The following LCMT2 variants were observed in gnomAD, a reference collection of about 807,000 sequenced individuals.
LCMT2 encodes the protein tRNA wybutosine-synthesizing protein 4.
A neutral mutation model predicts 42.0 loss-of-function variants in LCMT2; 34 were observed. That is an observed-to-expected ratio of 0.81 (90% CI 0.62 to 1.08). The LOEUF is 1.08. LCMT2 is among the 50% of genes least tolerant of loss of function. The pLI is 0.00. For missense variants in LCMT2, 1,091 were observed against 889.4 expected (o/e 1.23, Z -2.88); for synonymous variants, 445 against 369.5 (o/e 1.20, Z -2.34).
chr15:43,329,837 T>G lies in LCMT2; in HGVS notation c.653A>C (p.Tyr218Ser). The G allele has an allele frequency of 6.2e-7, 1 of 1,613,868 alleles. No homozygotes were observed. The highest frequency in any genetic ancestry group is 8.5e-7 in the Non-Finnish European group (1 of 1,180,022). Residue 218 changes from tyrosine (Y) to serine (S), a missense_variant, in exon 1 of 1, where the codon TAT (tyrosine) becomes TCT (serine). Physicochemically the swap from Tyr to Ser is moderately radical, Grantham distance 144. Transcript: ENST00000305641. ...GGCGTCTTGAGGCCTCATCTGCTCA[T>G]AGACCACGAAAAGGGCATTAGGAAA... ...QRFPNALFVV[Y>S]EQMRPQDAFG...
Position 43,330,370 on chromosome 15 carries a change from C to A in LCMT2, c.120G>T (p.Leu40Phe). The stretch of plus-strand genomic sequence containing the variant: ...CGCGGCGCGCCGCGCCCGGAACCAG[C>A]AACGCGGCAAAGGGGTCCTGCACGT... Reference protein sequence around the residue: ...RGYVQDPFAALLVPGAARRAP... With the variant: ...RGYVQDPFAAFLVPGAARRAP... Residue 40 changes from leucine to phenylalanine, a missense_variant, in exon 1 of 1, where the codon TTG (leucine) becomes TTT (phenylalanine). Physicochemically the swap from Leu to Phe is conservative, Grantham distance 22. Coordinates refer to ENST00000305641, the MANE Select transcript of LCMT2 (RefSeq NM_014793.5). The A allele has an allele frequency of 6.2e-7, 1 of 1,604,598 alleles. No homozygotes were observed. Among genetic ancestry groups the A allele is most frequent in the Non-Finnish European group, 8.5e-7 (1 of 1,178,434 alleles).
At position 43,325,189 on chromosome 15, in the gene LCMT2, A is replaced by G. The variant is rs2043110869; in HGVS notation, c.*3240T>C. On this transcript the variant is annotated 3_prime_UTR_variant, in exon 1 of 1. Coordinates refer to ENST00000305641, the MANE Select transcript of LCMT2 (RefSeq NM_014793.5). ...AAATAAGAAATTACTTTCCTTCCTTAAGTAGTTTATCTGGTCTAGAAGTAA... is the reference window on the plus strand; with the variant it reads ...AAATAAGAAATTACTTTCCTTCCTTGAGTAGTTTATCTGGTCTAGAAGTAA... 1 of 152,236 alleles carries G rather than the reference A, an allele frequency of 6.6e-6. No individual in the cohort carries two copies. The highest frequency in any genetic ancestry group is 1.5e-5 in the Non-Finnish European group (1 of 68,042). 9.4% of individuals were successfully genotyped at this position (152,236 alleles called of 1,614,324 possible). A position where few individuals can be genotyped will look rare whatever the true frequency, so the allele number is the denominator to read the frequency against.
Position 43,330,244 on chromosome 15 carries a change from G to C in LCMT2, c.246C>G (p.Arg82=). 6.2e-7 allele frequency: 1 copy of C among 1,605,968 alleles called. No homozygotes were observed. Among genetic ancestry groups the C allele is most frequent in the Non-Finnish European group, 8.5e-7 (1 of 1,178,644 alleles). ...CAGCGCCGAGAGACAAGATCTGCGC[G>C]CGAAGCGCGGCCTGGGGCGCGCCAA... ...EQIGAPQAAL[R]AQILSLGAGF... is the part of the protein sequence containing the mutation. The change falls in exon 1 of 1, where the codon CGC becomes CGG. Residue 82 remains arginine (R), a synonymous_variant. Transcript: ENST00000305641.
In LCMT2 at chr15:43,329,912, T is replaced by G. The variant is rs1395885548; in HGVS notation, c.578A>C (p.Tyr193Ser). ...GGCCGCGGCACTCTCCGGCTCGAGGTAGGTCAGCACCGCCTCGGCCAGGAG... is the reference window on the plus strand; with the variant it reads ...GGCCGCGGCACTCTCCGGCTCGAGGGAGGTCAGCACCGCCTCGGCCAGGAG... ...TLLLAEAVLT[Y>S]LEPESAAALI... Residue 193 changes from tyrosine to serine, a missense_variant, in exon 1 of 1, where the codon TAC becomes TCC. Tyr to Ser is a moderately radical substitution (Grantham distance 144). Coordinates refer to ENST00000305641, the MANE Select transcript of LCMT2 (RefSeq NM_014793.5). The G allele has an allele frequency of 6.2e-7, 1 of 1,612,814 alleles. No homozygotes were observed. The highest frequency in any genetic ancestry group is 1.1e-5 in the South Asian group (1 of 91,066).
chr15:43,329,489 G>A lies in LCMT2; in HGVS notation c.1001C>T (p.Pro334Leu), dbSNP rs1426163094. Residue 334 changes from proline to leucine, a missense_variant, in exon 1 of 1, where the codon CCT becomes CTT. By Grantham distance (98) the Pro-to-Leu change is moderately conservative. Transcript: ENST00000305641. ...PSSEAFPRVN[P>L]ASPSGVFPAS... ...AGGGAATACCCCTGAAGGCGAAGCA[G>A]GATTTACGCGAGGAAATGCCTCTGA... is the stretch of plus-strand genomic sequence containing the variant. The A allele has an allele frequency of 1.2e-6, 2 of 1,614,204 alleles. No individual in the cohort carries two copies. The highest frequency in any genetic ancestry group is 1.7e-5 in the Admixed American group (1 of 60,032).
chr15:43,329,685 C>A lies in LCMT2; in HGVS notation c.805G>T (p.Val269Leu), dbSNP rs757397446. Residue 269 changes from valine to leucine, a missense_variant, in exon 1 of 1, where the codon GTG (valine) becomes TTG (leucine). By Grantham distance (32) the Val-to-Leu change is conservative. Transcript: ENST00000305641. ...CAGTGATAGAATTCATTCATGTCCA[C>A]GGCACCGCAGGCGGTCCAGCCAGCT... ...LQAGWTACGA[V>L]DMNEFYHCFL... is the part of the protein sequence containing the mutation. 15 of 1,613,446 alleles carry A rather than the reference C, an allele frequency of 9.3e-6. No individual in the cohort carries two copies. The Admixed American group carries it at 1.2e-4, about 13-fold the overall frequency.
rs1393975051 is a variant in LCMT2, at chr15:43,328,481, A to T, written c.2009T>A (p.Phe670Tyr). 6 of 1,614,070 alleles carry T rather than the reference A, an allele frequency of 3.7e-6. No homozygotes were observed. The highest frequency in any genetic ancestry group is 1.6e-4 in the Middle Eastern group (1 of 6,084). The change falls in exon 1 of 1, where the codon TTC becomes TAC. Residue 670 changes from phenylalanine (F) to tyrosine (Y), a missense_variant. By Grantham distance (22) the Phe-to-Tyr change is conservative (BLOSUM62 3). Transcript: ENST00000305641. ...GTCTAATGTGACTGTATGGGGGTTG[A>T]AGTAGGTACCAAAGGAAAAGCAGTT... ...GGNCFSFGTY[F>Y]NPHTVTLDLS...
Position 43,330,170 on chromosome 15 carries a change from CG to C in LCMT2, c.319del (p.Arg107GlyfsTer29). The stretch of plus-strand genomic sequence containing the variant: ...AAAATCCACCTCCCAGACTGCAGCC[CG>C]GGCCAGGCGGCCCGCGGTTTTTAAG... Reference protein sequence around the residue: ...FRLKTAGRLARAAVWEVDFPD... With the variant: ...FRLKTAGRLAXAAVWEVDFPD... On this transcript the variant is annotated frameshift_variant, in exon 1 of 1. Coordinates refer to ENST00000305641, the MANE Select transcript of LCMT2 (RefSeq NM_014793.5). LOFTEE classifies it high-confidence loss of function. 1 of 1,611,776 alleles carries C rather than the reference CG, an allele frequency of 6.2e-7. No homozygotes were observed. Among genetic ancestry groups the C allele is most frequent in the Non-Finnish European group, 8.5e-7 (1 of 1,179,864 alleles).
chr15:43,329,384 A>T lies in LCMT2; in HGVS notation c.1106T>A (p.Val369Asp). The change falls in exon 1 of 1, where the codon GTT becomes GAT. Residue 369 changes from valine to aspartate, a missense_variant. By Grantham distance (152) the Val-to-Asp change is radical. Transcript: ENST00000305641. ...GHASVFLSPD[V>D]ILSAGGFGEQ... The stretch of plus-strand genomic sequence containing the variant: ...TCCAAATCCTCCTGCACTGAGAATA[A>T]CGTCTGGGCTCAAGAAGACAGAGGC... 6.2e-7 allele frequency: 1 copy of T among 1,614,140 alleles called. No homozygotes were observed. The highest frequency in any genetic ancestry group is 8.5e-7 in the Non-Finnish European group (1 of 1,180,030).
rs754047251 is a variant in LCMT2 at position 43,328,842 on chromosome 15, C to A, written c.1648G>T (p.Gly550Ter). Residue 550 changes from glycine (G) to a stop codon, truncating the protein, a stop_gained, in exon 1 of 1, where the codon GGA (glycine) becomes TGA (stop). Transcript: ENST00000305641. LOFTEE classifies it high-confidence loss of function. ...GGCTCCTCAGAAGCCCCGAGACCTC[C>A]AGCAATAAGGGCTCCCCCTTGCCAA... The part of the protein sequence containing the change: ...CTWQGGALIA[G>*]GLGASEEPLN... 17 of 1,613,596 alleles carry A rather than the reference C, an allele frequency of 1.1e-5. No homozygotes were observed. The highest frequency in any genetic ancestry group is 1.4e-5 in the Non-Finnish European group (17 of 1,180,020).
chr15:43,328,425 G>T lies in LCMT2; in HGVS notation c.*4C>A. On this transcript the variant is annotated 3_prime_UTR_variant, in exon 1 of 1. Transcript: ENST00000305641. ...TTAGTGGGTCCTGAATATTAGTCCA[G>T]TCCTTACTGCCCAGCACTTAAGGAA... 1 of 1,611,054 alleles carries T rather than the reference G, an allele frequency of 6.2e-7. No individual in the cohort carries two copies. The highest frequency in any genetic ancestry group is 8.5e-7 in the Non-Finnish European group (1 of 1,178,392).
In LCMT2 at chr15:43,329,189, CCCAGAA is replaced by C. The variant is rs1340724049; in HGVS notation, c.1295_1300del (p.Val432_Leu433del). On this transcript the variant is annotated inframe_deletion, in exon 1 of 1. Transcript: ENST00000305641. ...TGGACTTACTGGGGACAGTCTCCCT[CCCAGAA>C]CCAGAACCCGACTCTCTGAGAGTCT... is the stretch of plus-strand genomic sequence containing the variant. The C allele has an allele frequency of 1.2e-6, 2 of 1,613,952 alleles. No individual in the cohort carries two copies. The highest frequency in any genetic ancestry group is 1.7e-6 in the Non-Finnish European group (2 of 1,180,036).
rs2043132961 is a variant in LCMT2, at chr15:43,328,617, A to C, written c.1873T>G (p.Ser625Ala). 1 of 1,614,090 alleles carries C rather than the reference A, an allele frequency of 6.2e-7. No homozygotes were observed. The highest frequency in any genetic ancestry group is 1.3e-5 in the African/African-American group (1 of 74,934). Residue 625 changes from serine to alanine, a missense_variant, in exon 1 of 1, where the codon TCT becomes GCT. Physicochemically the swap from Ser to Ala is moderately conservative, Grantham distance 99. Transcript: ENST00000305641. The stretch of plus-strand genomic sequence containing the variant: ...TATGTTGTGTCAATCTGATACTCAG[A>C]GCTCAATCCTGTAGTCAAATTGATC... ...TVINLTTGLSSEYQIDTTYVP... is the reference protein window; with the variant it reads ...TVINLTTGLSAEYQIDTTYVP...
rs1226389948 is a variant in LCMT2 at position 43,327,828 on chromosome 15, G to A, written c.*601C>T. The A allele has an allele frequency of 6.5e-6, 1 of 153,168 alleles. No homozygotes were observed. Among genetic ancestry groups the A allele is most frequent in the Non-Finnish European group, 1.5e-5 (1 of 68,730 alleles). The allele number at this position is 153,168 out of a possible 1,614,324, so 9.5% of individuals were successfully genotyped here. ...ACACTTATAAATCTAAATAAATATG[G>A]AACCAATAGCAAAACATTTAAAAAG... is the stretch of plus-strand genomic sequence containing the variant. On this transcript the variant is annotated 3_prime_UTR_variant, in exon 1 of 1. Coordinates refer to ENST00000305641, the MANE Select transcript of LCMT2 (RefSeq NM_014793.5).
chr15:43,330,014 C>G lies in LCMT2; in HGVS notation c.476G>C (p.Gly159Ala), dbSNP rs936814415. The change falls in exon 1 of 1, where the codon GGT (glycine) becomes GCT (alanine). Residue 159 changes from glycine (G) to alanine (A), a missense_variant. Transcript: ENST00000305641. ...TCGCTGGAGCTGCCGCAAGTCCAGACCCAGGATGCAGTAGTCTGCGCTCTC... is the reference window on the plus strand; with the variant it reads ...TCGCTGGAGCTGCCGCAAGTCCAGAGCCAGGATGCAGTAGTCTGCGCTCTC... ...CFESADYCILGLDLRQLQRVE... is the reference protein window; with the variant it reads ...CFESADYCILALDLRQLQRVE... The G allele has an allele frequency of 6.2e-7, 1 of 1,612,744 alleles. No individual in the cohort carries two copies. Among genetic ancestry groups the G allele is most frequent in the South Asian group, 1.1e-5 (1 of 91,088 alleles).
At position 43,328,619 on chromosome 15, in the gene LCMT2, C is replaced by T. The variant is rs1042760251; in HGVS notation, c.1871G>A (p.Ser624Asn). The T allele has an allele frequency of 3.7e-5, 60 of 1,614,064 alleles. No individual in the cohort carries two copies. Among genetic ancestry groups the T allele is most frequent in the Non-Finnish European group, 5.1e-5 (60 of 1,180,024 alleles). Residue 624 changes from serine to asparagine, a missense_variant, in exon 1 of 1, where the codon AGC becomes AAC. Ser to Asn is a conservative substitution (Grantham distance 46, BLOSUM62 1). Transcript: ENST00000305641. ...TGTTGTGTCAATCTGATACTCAGAG[C>T]TCAATCCTGTAGTCAAATTGATCAC... is the stretch of plus-strand genomic sequence containing the variant. Reference protein sequence around the residue: ...VTVINLTTGLSSEYQIDTTYV... With the variant: ...VTVINLTTGLNSEYQIDTTYV...
Position 43,330,287 on chromosome 15 carries a change from C to T in LCMT2, c.203G>A (p.Arg68His), listed in dbSNP as rs765837742. The change falls in exon 1 of 1, where the codon CGC becomes CAC. Residue 68 changes from arginine to histidine, a missense_variant. Physicochemically the swap from Arg to His is conservative, Grantham distance 29. Transcript: ENST00000305641. ...CGCGCCAATCTGCTCCAAAAAAGCG[C>T]GCACGCAGTGCCTCACGGCGCGTGC... is the stretch of plus-strand genomic sequence containing the variant. The part of the protein sequence containing the change: ...VRARAVRHCV[R>H]AFLEQIGAPQ... The T allele has an allele frequency of 3.1e-6, 5 of 1,594,660 alleles. No homozygotes were observed. Among genetic ancestry groups the T allele is most frequent in the South Asian group, 2.2e-5 (2 of 89,388 alleles).
rs180784740 is a variant in LCMT2, at chr15:43,328,113, A to C, written c.*316T>G. The C allele has an allele frequency of 3.9e-6, 1 of 254,022 alleles. No homozygotes were observed. The highest frequency in any genetic ancestry group is 7.9e-5 in the South Asian group (1 of 12,632). The allele number at this position is 254,022 out of a possible 1,614,324, so 15.7% of individuals were successfully genotyped here. On this transcript the variant is annotated 3_prime_UTR_variant, in exon 1 of 1. Transcript: ENST00000305641. ...TTTCTAAGGTACCATCTCAAATCAC[A>C]AGGCCTGGGATTGGGAAATTGTTTT...
rs757292552 is a variant in LCMT2 at position 43,329,166 on chromosome 15, G to T, written c.1324C>A (p.Pro442Thr). The change falls in exon 1 of 1, where the codon CCA becomes ACA. Residue 442 changes from proline (P) to threonine (T), a missense_variant. Transcript: ENST00000305641. The part of the protein sequence containing the change: ...VLGGRLSPVS[P>T]ALGVLQLHFF... ...TGAAGCTGGAGAACCCCCAAGGCTG[G>T]ACTTACTGGGGACAGTCTCCCTCCC... The T allele has an allele frequency of 7.4e-6, 12 of 1,613,920 alleles. No individual in the cohort carries two copies. The South Asian group carries it at 1.2e-4, about 16-fold the overall frequency.
Sources: gnomAD v4.1 joint callset for allele counts on GRCh38, gnomAD v4.1.1 for gene constraint, MANE v1.5 for transcripts, NCBI Gene and HGNC (gene_info 2026-07-23, HGNC 2026-07-21) for gene names.